Variants in RANBP17 observed in about 807,000 individuals in gnomAD.
The protein encoded by RANBP17 is ran-binding protein 17.
RANBP17 carries 158 observed loss-of-function variants against 141.2 expected under a neutral mutation model. The ratio of observed to expected loss-of-function variants is 1.12; its 90% CI spans 0.98 to 1.28. The LOEUF (loss-of-function observed/expected upper bound fraction) is 1.28. RANBP17 is among the 50% of genes most tolerant of loss of function. The pLI, the probability that RANBP17 is intolerant of heterozygous loss-of-function variation, is 0.00. For missense variants in RANBP17, 1,438 were observed against 1,290.7 expected (o/e 1.11, Z -1.75); for synonymous variants, 430 against 450.0 (o/e 0.96, Z 0.56).
At chr5:170,985,909 T>G (rs578016368) in intron 14 of RANBP17, among the ~76,000 whole-genome samples, 2 of 152,236 alleles carry the variant, frequency 1.3e-5, no homozygotes, top group East Asian at 3.9e-4. Context: ...CTCCTTTTTA[T>G]TTTTTGCCTT....
intron 5 of RANBP17, among the ~76,000 whole-genome samples, chr5:170,903,021 AG>A (rs1770775498): frequency 6.6e-6 from 1 of 152,192 alleles, no homozygotes; most frequent in Non-Finnish European, 1.5e-5. Context: ...GCAGAGCTTG[AG>A]CACCATGCTG....
At chr5:171,083,165 T>C (rs894401653) in intron 14 of RANBP17, among the ~76,000 whole-genome samples, 10 of 152,242 alleles carry the variant, frequency 6.6e-5, no homozygotes, top group Non-Finnish European at 2.9e-5. Flanking sequence ...GTTACTGTCA[T>C]GGACTGCATA....
At chr5:171,271,827 A>G (rs1767133647) in intron 25 of RANBP17, among the ~76,000 whole-genome samples, 2 of 152,356 alleles carry the variant, frequency 1.3e-5, no homozygotes, top group South Asian at 2.1e-4. Context: ...ACATGGTGCT[A>G]CAATCTTGGT....
At chr5:171,005,866 A>G (rs1779564763) in intron 14 of RANBP17, among the ~76,000 whole-genome samples, 1 of 152,230 alleles carries the variant, frequency 6.6e-6, no homozygotes, top group African/African-American at 2.4e-5. Flanking sequence ...GCTAATATCC[A>G]GAATCTACAA....
intron 2 of RANBP17, among the ~76,000 whole-genome samples, chr5:170,878,783 A>C (rs888802187): frequency 1.3e-5 from 2 of 152,182 alleles, no homozygotes; most frequent in African/African-American, 4.8e-5. Flanking sequence ...AGATACCTAA[A>C]TAGCTATGAA....
intron 11 of RANBP17, among the ~76,000 whole-genome samples, chr5:170,923,613 C>G (rs879284743): frequency 1.3e-5 from 2 of 152,202 alleles, no homozygotes; most frequent in African/African-American, 2.4e-5. Flanking sequence ...TATTGAGTCT[C>G]TTAGTCTCTG....
At chr5:170,965,929 T>C (rs1381089876) in intron 13 of RANBP17, among the ~76,000 whole-genome samples, 1 of 152,188 alleles carries the variant, frequency 6.6e-6, no homozygotes, top group Non-Finnish European at 1.5e-5. Flanking sequence ...TTTCCAATTC[T>C]GTGAAGAAAG....
chr5:170,919,769 T>C (rs1210212612), intron 11 of RANBP17, among the ~76,000 whole-genome samples, 156 bp downstream of exon 11: 2 of 152,176 alleles, frequency 1.3e-5, no homozygotes, highest in African/African-American at 4.8e-5. Flanking sequence ...AATTGAGATA[T>C]AGATTAGTTC....
chr5:171,266,696 C>T (rs1766707889), intron 25 of RANBP17, among the ~76,000 whole-genome samples: 1 of 151,944 alleles, frequency 6.6e-6, no homozygotes, highest in Non-Finnish European at 1.5e-5. Flanking sequence ...GGCAGATCAC[C>T]AGGTCAGGAG....
intron 14 of RANBP17, among the ~76,000 whole-genome samples, chr5:171,159,935 AAAAAAAG>A (rs1561716474): frequency 2.7e-5 from 4 of 150,272 alleles, no homozygotes; most frequent in South Asian, 2.1e-4. Flanking sequence ...AAAAAAAAAA[AAAAAAAG>A]AAAAAAGAAG....
chr5:170,941,162 G>T (rs1251633965), intron 12 of RANBP17, among the ~76,000 whole-genome samples: 3 of 152,024 alleles, frequency 2.0e-5, no homozygotes, highest in Admixed American at 6.6e-5. Context: ...AAGAAAAAAG[G>T]CCAGAATGTT....
intron 16 of RANBP17, among the ~76,000 whole-genome samples, chr5:171,176,192 A>G (rs1253275277): frequency 4.6e-5 from 7 of 152,284 alleles, no homozygotes; most frequent in African/African-American, 1.7e-4. Context: ...CTATTTATCT[A>G]CTAGTTTATT....
At position 170,878,112 on chromosome 5, in the gene RANBP17, G is replaced by A. The variant is rs1236396367; in HGVS notation, c.34G>A (p.Glu12Lys). ...TTCTTTGAAGAGTTTGGCTGAATTG[G>A]AAGTGTTATGTACTCATCTCTACAT... ...ALHFQSLAEL[E>K]VLCTHLYIGT... Residue 12 changes from glutamate (E) to lysine (K), a missense_variant, in exon 2 of 28, where the codon GAA becomes AAA. Coordinates refer to ENST00000523189, the MANE Select transcript of RANBP17 (RefSeq NM_022897.5). 5.1e-6 allele frequency: 8 copies of A among 1,565,198 alleles called. No individual in the cohort carries two copies. The highest frequency in any genetic ancestry group is 1.4e-5 in the African/African-American group (1 of 73,202).
intron 13 of RANBP17, among the ~76,000 whole-genome samples, chr5:170,964,522 T>C (rs1776392197): frequency 6.6e-6 from 1 of 151,690 alleles, no homozygotes; most frequent in Non-Finnish European, 1.5e-5. Flanking sequence ...GCATTAGGTG[T>C]ATCTCCTAAT....
intron 22 of RANBP17, among the ~76,000 whole-genome samples, chr5:171,238,915 A>T (rs959548995): frequency 1.3e-5 from 2 of 152,134 alleles, no homozygotes. Context: ...TAACATCTTG[A>T]CATACCTCTC....
At chr5:171,065,479 C>G (rs1179820057) in intron 14 of RANBP17, among the ~76,000 whole-genome samples, 1 of 152,060 alleles carries the variant, frequency 6.6e-6, no homozygotes, top group Non-Finnish European at 1.5e-5. Flanking sequence ...ACGGAGCTGT[C>G]AGGTGATAAT....
At chr5:171,052,537 T>G (rs1402794043) in intron 14 of RANBP17, among the ~76,000 whole-genome samples, 1 of 152,152 alleles carries the variant, frequency 6.6e-6, no homozygotes, top group Non-Finnish European at 1.5e-5. Context: ...ATCCATAGAT[T>G]ATAGGGTTTA....
intron 14 of RANBP17, among the ~76,000 whole-genome samples, chr5:170,981,549 T>C (rs188879599): frequency 2.9e-3 from 446 of 151,798 alleles, no homozygotes; most frequent in Non-Finnish European, 3.5e-3. Flanking sequence ...GGAGTTTTCC[T>C]GCACAGGCTC....
chr5:171,096,649 A>G (rs1351022034), intron 14 of RANBP17, among the ~76,000 whole-genome samples: 1 of 152,176 alleles, frequency 6.6e-6, no homozygotes, highest in Non-Finnish European at 1.5e-5. Context: ...ATAAATTACA[A>G]ATTAGCTTGA....
Sources: allele counts gnomAD v4.1 joint callset (sites outside exome capture counted in the v4.1 genomes callset), GRCh38; gene constraint gnomAD v4.1.1; transcripts MANE v1.5; gene names NCBI Gene and HGNC (gene_info 2026-07-23, HGNC 2026-07-21).